ZFP64: variants seen among roughly 807,000 people sequenced by gnomAD.
ZFP64 encodes ZFP64 zinc finger protein.
Under a neutral mutation model 51.6 loss-of-function variants are expected in ZFP64, and 14 were observed. The observed-to-expected ratio is 0.27, with a 90% CI of 0.18 to 0.42. The LOEUF (loss-of-function observed/expected upper bound fraction) is 0.42. ZFP64 is among the 10% of genes least tolerant of loss of function. ZFP64 has a pLI of 1.00. For synonymous variants in ZFP64, 375 were observed against 361.4 expected (o/e 1.04, Z -0.43); for missense variants, 754 against 906.8 (o/e 0.83, Z 2.16).
In ZFP64 at chr20:52,098,421, C is replaced by T. The variant is rs747846441; in HGVS notation, c.913+17G>A. The T allele has an allele frequency of 8.1e-6, 13 of 1,613,210 alleles. No homozygotes were observed. In the South Asian group the frequency reaches 1.4e-4, roughly 18 times the overall value. On this transcript the variant is annotated intron_variant, in intron 6 of 8. Coordinates refer to the ZFP64 transcript ENST00000361387. ...CTTGGCTCAGAAGCGGCTCAGCACG[C>T]AGGGTTTTACTCTTACCTGGGTAGC...
In ZFP64 at chr20:52,153,184, C is replaced by T. The variant is rs781704644; in HGVS notation, c.1008G>A (p.Val336=). The T allele has an allele frequency of 1.9e-6, 3 of 1,614,108 alleles. No homozygotes were observed. The highest frequency in any genetic ancestry group is 4.5e-5 in the East Asian group (2 of 44,890). The change falls in exon 6 of 6, where the codon GTG becomes GTA. Residue 336 remains valine (V), a synonymous_variant. Coordinates refer to ENST00000216923, the MANE Select transcript of ZFP64 (RefSeq NM_018197.3). This position sits in a 1 kb window ranked among gnomAD's most constrained non-coding sequence, Gnocchi z 5.1. ...SKATLRKHSR[V]HQSEHPEKCS... The stretch of plus-strand genomic sequence containing the variant: ...ACTTCTCAGGATGCTCCGACTGGTG[C>T]ACGCGGCTGTGCTTCCGGAGGGTGG...
chr20:52,132,474 G>GA (rs1198279105), intron 5 of ZFP64, among the ~76,000 whole-genome samples: 4 of 148,958 alleles, frequency 2.7e-5, no homozygotes, highest in Admixed American at 1.3e-4. Context: ...CCCAGACTAA[G>GA]AAAAAAAAGG....
chr20:52,097,452 GATTTT>G, intron 6 of ZFP64: 1 of 1,521,404 alleles, frequency 6.6e-7, no homozygotes, highest in South Asian at 1.2e-5. Context: ...AAGAAAAATA[GATTTT>G]TTTTTTTTTT....
chr20:52,142,377 G>GACACACACACACACACGCGCGCAC lies in ZFP64; in HGVS notation c.763+17745_763+17746insGTGCGCGCGTGTGTGTGTGTGTGT, dbSNP rs749072185. 7.1e-3 allele frequency among the ~76,000 whole-genome samples: 838 copies of GACACACACACACACACGCGCGCAC among 118,452 alleles called. 10 individuals are homozygous for GACACACACACACACACGCGCGCAC. The highest frequency in any genetic ancestry group is 0.011 in the South Asian group (42 of 3,792). The allele number at this position is 118,452 out of a possible 152,430, so 77.7% of individuals were successfully genotyped here. On this transcript the variant is annotated intron_variant, in intron 5 of 8. Coordinates refer to the ZFP64 transcript ENST00000361387. ...AGTGAGACTTCATCACACACACACA[G>GACACACACACACACACGCGCGCAC]ACACACACACACACACACACACACA...
At chr20:52,167,695 CT>C (rs2123042607) in intron 2 of ZFP64, among the ~76,000 whole-genome samples, 1 of 152,182 alleles carries the variant, frequency 6.6e-6, no homozygotes, top group East Asian at 1.9e-4. Context: ...TTGGATGAAC[CT>C]GTCAGGCTAA....
chr20:52,122,984 G>A (rs562735089), intron 5 of ZFP64, among the ~76,000 whole-genome samples: 36 of 130,296 alleles, frequency 2.8e-4, no homozygotes, highest in South Asian at 6.8e-4. Context: ...CAGGGTTTGA[G>A]GGGATTGACT....
At chr20:52,131,477 A>C (rs1469356062) in intron 5 of ZFP64, among the ~76,000 whole-genome samples, 1 of 152,194 alleles carries the variant, frequency 6.6e-6, no homozygotes, top group Non-Finnish European at 1.5e-5. Flanking sequence ...TGCCTACAAG[A>C]AACACACTTC....
chr20:52,084,196 A>G (rs1366410599), exon 9 of ZFP64: 6 of 220,814 alleles, frequency 2.7e-5, no homozygotes, highest in Non-Finnish European at 4.4e-5. Flanking sequence ...TTAGTTTTCT[A>G]TATCGTCTAA....
chr20:52,177,576 T>G (rs528080226), intron 2 of ZFP64, among the ~76,000 whole-genome samples: 1 of 152,066 alleles, frequency 6.6e-6, no homozygotes, highest in Non-Finnish European at 1.5e-5. Flanking sequence ...CATGCGGCCA[T>G]GCGGAGGACG....
At position 52,088,136 on chromosome 20, in the gene ZFP64, T is replaced by G. The variant is rs2078883543; in HGVS notation, c.1228+256A>C. The G allele has an allele frequency of 9.2e-6, 5 of 543,204 alleles. No homozygotes were observed. In the South Asian group the frequency reaches 1.2e-4, roughly 13 times the overall value. 33.6% of individuals were successfully genotyped at this position (543,204 alleles called of 1,614,324 possible). ...GACTTGAGATACATCATTGGCTTCT[T>G]GGCAGTTATAGTGGGTATCTACTCC... On this transcript the variant is annotated intron_variant, in intron 8 of 8. Coordinates refer to the ZFP64 transcript ENST00000361387.
Position 52,152,570 on chromosome 20 carries a change from T to C in ZFP64, c.1622A>G (p.Gln541Arg), listed in dbSNP as rs1980922119. The C allele has an allele frequency of 6.4e-7, 1 of 1,562,020 alleles. No individual in the cohort carries two copies. Among genetic ancestry groups the C allele is most frequent in the Non-Finnish European group, 8.6e-7 (1 of 1,156,526 alleles). Reference protein sequence around the residue: ...PEELPGNSRLQILRQVSLIAP... With the variant: ...PEELPGNSRLRILRQVSLIAP... Reference sequence around the variant, plus strand: ...GATCAGACTGACCTGGCGCAGGATCTGCAGCCGGCTGTTCCCTGGGAGTTC... The same window carrying C: ...GATCAGACTGACCTGGCGCAGGATCCGCAGCCGGCTGTTCCCTGGGAGTTC... Residue 541 changes from glutamine to arginine, a missense_variant, in exon 6 of 6, where the codon CAG becomes CGG. Transcript: ENST00000216923.
intron 4 of ZFP64, among the ~76,000 whole-genome samples, chr20:52,162,519 C>T (rs1257651245): frequency 2.6e-5 from 4 of 151,514 alleles, no homozygotes; most frequent in East Asian, 1.9e-4. Flanking sequence ...CCCAGCTACT[C>T]GGGAGAATGA....
intron 8 of ZFP64, chr20:52,088,141 G>T (rs2078883618): frequency 3.6e-6 from 2 of 559,390 alleles, no homozygotes; most frequent in Non-Finnish European, 6.2e-6. Context: ...CTTCTTGGCA[G>T]TTATAGTGGG....
intron 5 of ZFP64, among the ~76,000 whole-genome samples, chr20:52,106,021 G>A (rs1026907405): frequency 1.3e-5 from 2 of 152,146 alleles, no homozygotes; most frequent in African/African-American, 2.4e-5. Flanking sequence ...TGCAGATTCC[G>A]AAAGTTCTGG....
intron 2 of ZFP64, among the ~76,000 whole-genome samples, chr20:52,172,736 A>G (rs1982859186): frequency 6.6e-6 from 1 of 151,546 alleles, no homozygotes; most frequent in Admixed American, 6.6e-5. Flanking sequence ...GCAAGAGCTC[A>G]GGGCTTCAGC....
intron 5 of ZFP64, among the ~76,000 whole-genome samples, chr20:52,155,226 C>T (rs1177720099): frequency 6.6e-6 from 1 of 152,210 alleles, no homozygotes; most frequent in East Asian, 1.9e-4. Context: ...GCTCCATCTG[C>T]AGCAATCATT....
At chr20:52,095,395 C>T (rs982280006) in intron 7 of ZFP64, among the ~76,000 whole-genome samples, 4 of 152,184 alleles carry the variant, frequency 2.6e-5, no homozygotes, top group South Asian at 2.1e-4. Context: ...CTGAGACCAC[C>T]GGGCCAGTGC....
chr20:52,088,216 CA>C, intron 8 of ZFP64: 1 of 1,052,052 alleles, frequency 9.5e-7, no homozygotes, highest in Non-Finnish European at 1.3e-6. Context: ...CATATTTTAC[CA>C]AAAGTTGTTG....
At chr20:52,162,398 G>A (rs1023073557) in intron 4 of ZFP64, among the ~76,000 whole-genome samples, 3 of 151,904 alleles carry the variant, frequency 2.0e-5, no homozygotes, top group South Asian at 2.1e-4. Context: ...AGGCCGAGGC[G>A]GGCGGATCAT....
Sources: allele counts gnomAD v4.1 joint callset (sites outside exome capture counted in the v4.1 genomes callset), GRCh38; gene constraint gnomAD v4.1.1; non-coding constraint Gnocchi (gnomAD v3.1); transcripts MANE v1.5; gene names NCBI Gene and HGNC (gene_info 2026-07-23, HGNC 2026-07-21).